The following UBAP1 variants were observed in gnomAD, a reference collection of about 807,000 sequenced individuals.
UBAP1 encodes the protein ubiquitin associated protein 1.
Under a neutral mutation model 39.0 loss-of-function variants are expected in UBAP1, and 5 were observed. That is an observed-to-expected ratio of 0.13 (90% CI 0.07 to 0.27). UBAP1 has a LOEUF of 0.27. UBAP1 is among the 10% of genes least tolerant of loss of function. The pLI is 1.00. For synonymous variants in UBAP1, 211 were observed against 225.1 expected (o/e 0.94, Z 0.56); for missense variants, 490 against 608.1 (o/e 0.81, Z 2.04).
Position 34,229,875 on chromosome 9 carries a change from A to G in UBAP1, c.35-4341A>G, listed in dbSNP as rs1833317623. Among the ~76,000 whole-genome samples, 3 of 151,802 alleles carry G rather than the reference A, an allele frequency of 2.0e-5. No homozygotes were observed. In the South Asian group the frequency reaches 6.2e-4, roughly 32 times the overall value. Reference sequence around the variant, plus strand: ...TTTTTAGTAGATACGGGGTTTTACCATGTTGGCCAGGCTGGTCTCGAACTC... The same window carrying G: ...TTTTTAGTAGATACGGGGTTTTACCGTGTTGGCCAGGCTGGTCTCGAACTC... On this transcript the variant is annotated intron_variant, in intron 2 of 6. Coordinates refer to ENST00000297661, the MANE Select transcript of UBAP1 (RefSeq NM_016525.5).
rs1563881114 is a variant in UBAP1, at chr9:34,182,655, CTTTCTTTCTTTCTTTCTT to C, written c.-8+3417_-8+3434del. Among the ~76,000 whole-genome samples, 7 of 60,602 alleles carry C rather than the reference CTTTCTTTCTTTCTTTCTT, an allele frequency of 1.2e-4. 1 individual carries two copies. The highest frequency in any genetic ancestry group is 2.9e-4 in the African/African-American group (7 of 23,736). 39.8% of individuals were successfully genotyped at this position (60,602 alleles called of 152,430 possible). The stretch of plus-strand genomic sequence containing the variant: ...TCTTTCTTTCTTTCTTTCTTTCTTT[CTTTCTTTCTTTCTTTCTT>C]TCTTTCTTTCTCTCTCTCTTTCTTT... On this transcript the variant is annotated intron_variant, in intron 1 of 6. Transcript: ENST00000297661.
In UBAP1 at chr9:34,252,263, G is replaced by GCAGA. The variant is rs1226171282; in HGVS notation, c.*735_*738dup. The GCAGA allele has an allele frequency of 6.6e-6, 1 of 152,592 alleles. No individual in the cohort carries two copies. The highest frequency in any genetic ancestry group is 2.4e-5 in the African/African-American group (1 of 41,424). The allele number at this position is 152,592 out of a possible 1,614,324, so 9.5% of individuals were successfully genotyped here. A position where few individuals can be genotyped will look rare whatever the true frequency, so the allele number is the denominator to read the frequency against. ...CCTTCCCAGCACATTGAATGGGTAA[G>GCAGA]CAGACAGGCCATGATTTAGTTGGCC... is the stretch of plus-strand genomic sequence containing the variant. On this transcript the variant is annotated 3_prime_UTR_variant, in exon 7 of 7. Transcript: ENST00000297661.
Position 34,179,179 on chromosome 9 carries a change from TG to T in UBAP1, c.-66del. On this transcript the variant is annotated 5_prime_UTR_variant, in exon 1 of 7. Transcript: ENST00000297661. ...TCGGGAGCTCAGCGGGGACCGAGCCTGGGAGGCCGGCCGGTGCCAGCACCTT... is the reference window on the plus strand; with the variant it reads ...TCGGGAGCTCAGCGGGGACCGAGCCTGGAGGCCGGCCGGTGCCAGCACCTT... 1 of 1,226,264 alleles carries T rather than the reference TG, an allele frequency of 8.2e-7. No homozygotes were observed. The highest frequency in any genetic ancestry group is 1.0e-6 in the Non-Finnish European group (1 of 983,496). 76.0% of individuals were successfully genotyped at this position (1,226,264 alleles called of 1,614,324 possible).
intron 6 of UBAP1, 124 bp downstream of exon 6, chr9:34,250,883 T>C (rs936334698): frequency 1.6e-5 from 13 of 791,736 alleles, no homozygotes; most frequent in South Asian, 4.3e-5. Flanking sequence ...TACAAGTATT[T>C]GAAGGGCAGA....
intron 1 of UBAP1, among the ~76,000 whole-genome samples, chr9:34,196,881 C>G (rs544402026): frequency 6.6e-4 from 97 of 148,062 alleles, no homozygotes; most frequent in African/African-American, 2.3e-3. Flanking sequence ...CATGTATTGT[C>G]TTTCTAATAT....
intron 2 of UBAP1, among the ~76,000 whole-genome samples, chr9:34,231,755 C>T (rs1454140799): frequency 6.6e-6 from 1 of 152,016 alleles, no homozygotes; most frequent in East Asian, 1.9e-4. Context: ...CGACATTCTT[C>T]TGCCTCAGCC....
intron 1 of UBAP1, among the ~76,000 whole-genome samples, chr9:34,217,783 C>CTT (rs750494361): frequency 0.1 from 4,324 of 41,222 alleles, 1,426 homozygotes; most frequent in Non-Finnish European, 0.13. Context: ...GGATTTCGTT[C>CTT]TTTTTTTTTT....
chr9:34,209,131 T>A (rs1831881486), intron 1 of UBAP1, among the ~76,000 whole-genome samples: 1 of 151,840 alleles, frequency 6.6e-6, no homozygotes, highest in Non-Finnish European at 1.5e-5. Flanking sequence ...AGAGATGGAG[T>A]TTCACCATGT....
intron 3 of UBAP1, among the ~76,000 whole-genome samples, chr9:34,235,083 T>G (rs1833618634): frequency 1.3e-5 from 2 of 151,800 alleles, no homozygotes; most frequent in Non-Finnish European, 2.9e-5. Flanking sequence ...GAAAGAAGTT[T>G]AAAAAGTAAA....
chr9:34,251,499 G>A lies in UBAP1; in HGVS notation c.1476G>A (p.Leu492=). 1 of 1,614,194 alleles carries A rather than the reference G, an allele frequency of 6.2e-7. No individual in the cohort carries two copies. The highest frequency in any genetic ancestry group is 1.1e-5 in the South Asian group (1 of 91,078). The part of the protein sequence containing the change: ...LLHNNDQDNA[L]EDLMARAGAS ...ACAACAATGACCAGGACAATGCTTT[G>A]GAAGACCTCATGGCTCGGGCAGGAG... Residue 492 remains leucine (L), a synonymous_variant, in exon 7 of 7, where the codon TTG becomes TTA. Coordinates refer to ENST00000297661, the MANE Select transcript of UBAP1 (RefSeq NM_016525.5).
At chr9:34,188,285 G>A (rs1335388376) in intron 1 of UBAP1, among the ~76,000 whole-genome samples, 4 of 152,114 alleles carry the variant, frequency 2.6e-5, no homozygotes, top group African/African-American at 9.7e-5. Flanking sequence ...CCGTACTTAT[G>A]TAACTACCAT....
At chr9:34,203,742 C>G (rs1043588129) in intron 1 of UBAP1, among the ~76,000 whole-genome samples, 2 of 152,122 alleles carry the variant, frequency 1.3e-5, no homozygotes, top group Non-Finnish European at 2.9e-5. Flanking sequence ...TACTTAAGAA[C>G]CCCTTTTCTC....
intron 1 of UBAP1, among the ~76,000 whole-genome samples, chr9:34,198,177 C>T (rs1417364961): frequency 2.0e-5 from 3 of 152,256 alleles, no homozygotes; most frequent in Non-Finnish European, 4.4e-5. Context: ...CCAGGCTGCT[C>T]TGTGACTTGG....
At chr9:34,242,301 G>A (rs1228398790) in intron 4 of UBAP1, among the ~76,000 whole-genome samples, 193 bp downstream of exon 4, 4 of 151,926 alleles carry the variant, frequency 2.6e-5, no homozygotes, top group Non-Finnish European at 5.9e-5. Flanking sequence ...ACAGGCACAT[G>A]CCATCACACC....
At chr9:34,186,805 G>A (rs1302067188) in intron 1 of UBAP1, among the ~76,000 whole-genome samples, 4 of 151,822 alleles carry the variant, frequency 2.6e-5, no homozygotes, top group African/African-American at 9.7e-5. Flanking sequence ...TTTGTGACTT[G>A]TCTTTTCATC....
At chr9:34,182,675 C>CTTTCTCT (rs1697549920) in intron 1 of UBAP1, among the ~76,000 whole-genome samples, 3 of 71,718 alleles carry the variant, frequency 4.2e-5, no homozygotes, top group Admixed American at 1.8e-4. Flanking sequence ...TTCTTTCTTT[C>CTTTCTCT]TTTCTTTCTC....
At chr9:34,199,855 G>C (rs1831273191) in intron 1 of UBAP1, among the ~76,000 whole-genome samples, 1 of 145,732 alleles carries the variant, frequency 6.9e-6, no homozygotes, top group African/African-American at 2.6e-5. Context: ...TGCCCAGGCT[G>C]GTCTGGAACT....
rs1027083339 is a variant in UBAP1 at position 34,207,052 on chromosome 9, T to TC, written c.-7-13856_-7-13855insC. Among the ~76,000 whole-genome samples, 416 of 142,482 alleles carry TC rather than the reference T, an allele frequency of 2.9e-3. 3 individuals carry two copies. The highest frequency in any genetic ancestry group is 9.3e-3 in the African/African-American group (363 of 39,176). The allele number at this position is 142,482 out of a possible 152,430, so 93.5% of individuals were successfully genotyped here. On this transcript the variant is annotated intron_variant, in intron 1 of 6. Transcript: ENST00000297661. ...GCGTTTGCTTAATTGTTATTTCTTT[T>TC]TTTTTTTTTTTTTTTTGAGATGGAA...
chr9:34,179,436 G>C (rs117798329), intron 1 of UBAP1, among the ~76,000 whole-genome samples, 196 bp downstream of exon 1: 4 of 152,070 alleles, frequency 2.6e-5, no homozygotes, highest in African/African-American at 9.7e-5. Flanking sequence ...TGAGGGGACC[G>C]GAGTTGAAGG....
Sources: gnomAD v4.1 joint callset for allele counts (sites outside exome capture counted in the v4.1 genomes callset) on GRCh38, gnomAD v4.1.1 for gene constraint, MANE v1.5 for transcripts, NCBI Gene and HGNC (gene_info 2026-07-23, HGNC 2026-07-21) for gene names.